Variants in HSD3B2 observed in about 807,000 individuals in gnomAD.
The protein encoded by HSD3B2 is hydroxy-delta-5-steroid dehydrogenase, 3 beta- and steroid delta-isomerase 2.
A neutral mutation model predicts 9.9 loss-of-function variants in HSD3B2; 8 were observed. The ratio of observed to expected loss-of-function variants is 0.81; its 90% CI spans 0.47 to 1.46. The LOEUF is 1.46. Ranked by LOEUF, HSD3B2 falls within the 40% of genes most tolerant of loss-of-function variation. The pLI, the probability that HSD3B2 is intolerant of heterozygous loss-of-function variation, is 0.00. For missense variants in HSD3B2, 410 were observed against 448.3 expected (o/e 0.91, Z 0.77); for synonymous variants, 221 against 184.5 (o/e 1.20, Z -1.60).
Position 119,415,423 on chromosome 1 carries a change from G to A in HSD3B2, c.4G>A (p.Gly2Ser), listed in dbSNP as rs1651675312. Residue 2 changes from glycine to serine, a missense_variant, in exon 2 of 4, where the codon GGC becomes AGC. Gly to Ser is a moderately conservative substitution (Grantham distance 56). Coordinates refer to ENST00000369416, the MANE Select transcript of HSD3B2 (RefSeq NM_000198.4). M[G>S]WSCLVTGAGG... Reference sequence around the variant, plus strand: ...CTGCTACTTTGGATTGGCCACGATGGGCTGGAGCTGCCTTGTGACAGGAGC... The same window carrying A: ...CTGCTACTTTGGATTGGCCACGATGAGCTGGAGCTGCCTTGTGACAGGAGC... 6.2e-7 allele frequency: 1 copy of A among 1,613,940 alleles called. No individual in the cohort carries two copies. Among genetic ancestry groups the A allele is most frequent in the South Asian group, 1.1e-5 (1 of 91,078 alleles).
chr1:119,418,617 T>TTTATTA (rs1257900405), intron 2 of HSD3B2, among the ~76,000 whole-genome samples: 8 of 114,922 alleles, frequency 7.0e-5, no homozygotes, highest in African/African-American at 2.0e-4. Flanking sequence ...CTGTTTATCT[T>TTTATTA]TTATTATTAT....
At chr1:119,418,190 G>A (rs1651760986) in intron 2 of HSD3B2, among the ~76,000 whole-genome samples, 1 of 152,190 alleles carries the variant, frequency 6.6e-6, no homozygotes, top group East Asian at 1.9e-4. Context: ...AGACAGCTGA[G>A]ATGTTAGTTC....
Position 119,422,356 on chromosome 1 carries a change from T to C in HSD3B2, c.855T>C (p.Leu285=). ...FGLRLDSRWS[L]PLTLMYWIGF... is the part of the protein sequence containing the mutation. ...TCCGCCTTGATTCCAGATGGAGCCT[T>C]CCTTTAACCCTGATGTACTGGATTG... The change falls in exon 4 of 4, where the codon CTT becomes CTC. Residue 285 remains leucine, a synonymous_variant. Coordinates refer to ENST00000369416, the MANE Select transcript of HSD3B2 (RefSeq NM_000198.4). The C allele has an allele frequency of 6.2e-7, 1 of 1,614,142 alleles. No individual in the cohort carries two copies. The highest frequency in any genetic ancestry group is 8.5e-7 in the Non-Finnish European group (1 of 1,179,998).
chr1:119,421,740 G>T, intron 3 of HSD3B2, 69 bp from the exon 4 acceptor site: 2 of 1,536,196 alleles, frequency 1.3e-6, no homozygotes, highest in Non-Finnish European at 1.8e-6. Context: ...GGGGCACATG[G>T]ATCTGTGCAT....
intron 2 of HSD3B2, among the ~76,000 whole-genome samples, chr1:119,417,897 A>C (rs1377435653): frequency 6.6e-6 from 1 of 152,164 alleles, no homozygotes; most frequent in Non-Finnish European, 1.5e-5. Context: ...TTGACTTTAG[A>C]TCTGTCCCTT....
At chr1:119,419,307 C>G in intron 2 of HSD3B2, 111 bp from the exon 3 acceptor site, 1 of 1,002,120 alleles carries the variant, frequency 1.0e-6, no homozygotes. Flanking sequence ...ACCCTCCACT[C>G]TAATACCCAC....
Position 119,419,574 on chromosome 1 carries a change from A to G in HSD3B2, c.299A>G (p.Asn100Ser), listed in dbSNP as rs1388517943. Residue 100 changes from asparagine (N) to serine (S), a missense_variant, in exon 3 of 4, where the codon AAT becomes AGT. Coordinates refer to ENST00000369416, the MANE Select transcript of HSD3B2 (RefSeq NM_000198.4). ...CACAGAGAGTCCATCATGAATGTCAATGTGAAAGGTACAGTAGCCTGGGGA... is the reference window on the plus strand; with the variant it reads ...CACAGAGAGTCCATCATGAATGTCAGTGTGAAAGGTACAGTAGCCTGGGGA... ...VTHRESIMNV[N>S]VKGTQLLLEA... is the part of the protein sequence containing the mutation. 4.3e-6 allele frequency: 7 copies of G among 1,613,734 alleles called. No individual in the cohort carries two copies. Among genetic ancestry groups the G allele is most frequent in the Non-Finnish European group, 5.9e-6 (7 of 1,179,802 alleles).
At position 119,415,674 on chromosome 1, in the gene HSD3B2, C is replaced by T. The variant is rs75372619; in HGVS notation, c.142+113C>T. ...AAGTTGTAGCCAAATGAAAGCCAGT[C>T]ACACATCTAAAGTCATCAGAAAGGA... On this transcript the variant is annotated intron_variant, in intron 2 of 3. Transcript: ENST00000369416. The T allele has an allele frequency of 2.3e-4, 252 of 1,094,786 alleles. 1 individual carries two copies. The East Asian group carries it at 5.6e-3, about 24-fold the overall frequency. The allele number at this position is 1,094,786 out of a possible 1,614,324, so 67.8% of individuals were successfully genotyped here.
chr1:119,421,598 C>T (rs927741345), intron 3 of HSD3B2, among the ~76,000 whole-genome samples: 12 of 150,600 alleles, frequency 8.0e-5, no homozygotes, highest in Non-Finnish European at 1.6e-4. Context: ...TTCTTGCTTT[C>T]TAGAACCCAA....
At position 119,422,716 on chromosome 1, in the gene HSD3B2, C is replaced by A; in HGVS notation, c.*96C>A. ...ATACAGAAGGCAACAGGGGCACAAG[C>A]CCAGGTCCTGCTGCCTCTCTTTCAC... On this transcript the variant is annotated 3_prime_UTR_variant, in exon 4 of 4. Transcript: ENST00000369416. 7.0e-7 allele frequency: 1 copy of A among 1,422,454 alleles called. No individual in the cohort carries two copies. Among genetic ancestry groups the A allele is most frequent in the South Asian group, 1.2e-5 (1 of 82,904 alleles). The allele number at this position is 1,422,454 out of a possible 1,614,324, so 88.1% of individuals were successfully genotyped here. A position where few individuals can be genotyped will look rare whatever the true frequency, so the allele number is the denominator to read the frequency against.
At chr1:119,419,885 G>T (rs920751489) in intron 3 of HSD3B2, 2 of 381,032 alleles carry the variant, frequency 5.2e-6, no homozygotes, top group Non-Finnish European at 9.9e-6. Flanking sequence ...TTTCTACTGT[G>T]GCCCCAATCA....
chr1:119,422,675 C>G lies in HSD3B2; in HGVS notation c.*55C>G. 2 of 1,599,530 alleles carry G rather than the reference C, an allele frequency of 1.3e-6. No homozygotes were observed. The highest frequency in any genetic ancestry group is 1.7e-6 in the Non-Finnish European group (2 of 1,172,206). Reference sequence around the variant, plus strand: ...TATTGTTAGGAAATGTCATCAAACTCCACCCACCTGGCTTCATACAGAAGG... The same window carrying G: ...TATTGTTAGGAAATGTCATCAAACTGCACCCACCTGGCTTCATACAGAAGG... On this transcript the variant is annotated 3_prime_UTR_variant, in exon 4 of 4. Transcript: ENST00000369416.
Position 119,415,320 on chromosome 1 carries a change from C to G in HSD3B2, c.-89-11C>G. 1.5e-6 allele frequency: 2 copies of G among 1,305,828 alleles called. No homozygotes were observed. The highest frequency in any genetic ancestry group is 2.4e-5 in the South Asian group (2 of 84,056). The allele number at this position is 1,305,828 out of a possible 1,614,324, so 80.9% of individuals were successfully genotyped here. ...TGCTGAGTGTATAACCATTTTACCT[C>G]TTGTTTTTAGCCCTCTTCTGGGTCA... On this transcript the variant is annotated splice_polypyrimidine_tract_variant and intron_variant, in intron 1 of 3. Transcript: ENST00000369416.
In HSD3B2 at chr1:119,421,925, G is replaced by T. The variant is rs80358219; in HGVS notation, c.424G>T (p.Glu142Ter). 5 of 1,613,912 alleles carry T rather than the reference G, an allele frequency of 3.1e-6. No homozygotes were observed. The East Asian group carries it at 1.1e-4, about 36-fold the overall frequency. ...CAAGGAAATCATCCAGAACGGCCAC[G>T]AAGAAGAGCCTCTGGAAAACACATG... ...SYKEIIQNGH[E>*]EEPLENTWPT... The change falls in exon 4 of 4, where the codon GAA becomes TAA. Residue 142 changes from glutamate to a stop codon, truncating the protein, a stop_gained. Coordinates refer to ENST00000369416, the MANE Select transcript of HSD3B2 (RefSeq NM_000198.4). LOFTEE classifies it low-confidence loss of function (END_TRUNC).
At position 119,421,879 on chromosome 1, in the gene HSD3B2, G is replaced by A. The variant is rs1392682580; in HGVS notation, c.378G>A (p.Glu126=). Residue 126 remains glutamate, a synonymous_variant, in exon 4 of 4, where the codon GAG becomes GAA. Coordinates refer to ENST00000369416, the MANE Select transcript of HSD3B2 (RefSeq NM_000198.4). The part of the protein sequence containing the change: ...VPVFIYTSSI[E]VAGPNSYKEI... ...TCTTCATCTACACCAGTAGCATAGAGGTAGCCGGGCCCAACTCCTACAAGG... is the reference window on the plus strand; with the variant it reads ...TCTTCATCTACACCAGTAGCATAGAAGTAGCCGGGCCCAACTCCTACAAGG... The A allele has an allele frequency of 8.1e-6, 13 of 1,613,884 alleles. No homozygotes were observed. The highest frequency in any genetic ancestry group is 4.0e-5 in the African/African-American group (3 of 74,866).
chr1:119,417,305 AG>A (rs1267617950), intron 2 of HSD3B2: 2 of 152,224 alleles, frequency 1.3e-5, no homozygotes, highest in Non-Finnish European at 2.9e-5. Flanking sequence ...CCAAGTCCAC[AG>A]TGCCTTGGAG....
intron 3 of HSD3B2, among the ~76,000 whole-genome samples, chr1:119,421,391 G>GTATATATATATGTA (rs1570821304): frequency 9.0e-6 from 1 of 110,796 alleles, no homozygotes; most frequent in Non-Finnish European, 1.8e-5. Flanking sequence ...ATATATATAT[G>GTATATATATATGTA]TATATATATA....
chr1:119,421,405 A>ATATATATATGTATATATATG (rs1651854784), intron 3 of HSD3B2, among the ~76,000 whole-genome samples: 2 of 59,480 alleles, frequency 3.4e-5, no homozygotes, highest in South Asian at 5.2e-4. Context: ...ATATATATGT[A>ATATATATATGTATATATATG]TATATATATA....
intron 2 of HSD3B2, among the ~76,000 whole-genome samples, chr1:119,418,473 G>C (rs1651767184): frequency 6.6e-6 from 1 of 151,844 alleles, no homozygotes; most frequent in South Asian, 2.1e-4. Flanking sequence ...CTGGACCCTG[G>C]TTCCAGTCCT....
Sources: gnomAD v4.1 joint callset for allele counts (sites outside exome capture counted in the v4.1 genomes callset) on GRCh38, gnomAD v4.1.1 for gene constraint, MANE v1.5 for transcripts, NCBI Gene and HGNC (gene_info 2026-07-23, HGNC 2026-07-21) for gene names.